Variants in KCNQ5 observed in about 807,000 individuals in gnomAD.
The protein encoded by KCNQ5 is potassium voltage-gated channel subfamily Q member 5.
In KCNQ5, 30 loss-of-function variants were observed where a neutral mutation model predicts 98.2. The ratio of observed to expected loss-of-function variants is 0.31; its 90% CI spans 0.23 to 0.41. The LOEUF (loss-of-function observed/expected upper bound fraction) is 0.41. Ranked by LOEUF, KCNQ5 falls within the 10% of genes least tolerant of loss-of-function variation. The probability of loss-of-function intolerance (pLI) is 1.00; values close to 1 mark genes in which losing one functional copy is unlikely to be tolerated. For missense variants in KCNQ5, 835 were observed against 1,182.5 expected (o/e 0.71, Z 4.31); for synonymous variants, 458 against 449.4 (o/e 1.02, Z -0.24).
intron 1 of KCNQ5, among the ~76,000 whole-genome samples, chr6:72,899,446 A>C (rs2150192082): frequency 6.6e-6 from 1 of 152,306 alleles, no homozygotes; most frequent in African/African-American, 2.4e-5. Context: ...GGGGTCAAAC[A>C]ATATGAGTAG....
intron 5 of KCNQ5, among the ~76,000 whole-genome samples, chr6:73,083,754 T>C (rs1773872116): frequency 6.6e-6 from 1 of 152,212 alleles, no homozygotes; most frequent in Admixed American, 6.5e-5. Context: ...CATGCATTAA[T>C]ATATAATATC....
chr6:72,843,468 T>A (rs1445650279), intron 1 of KCNQ5, among the ~76,000 whole-genome samples: 1 of 152,242 alleles, frequency 6.6e-6, no homozygotes. Flanking sequence ...CTATATGGGC[T>A]CTGTTTTGGT....
intron 7 of KCNQ5, among the ~76,000 whole-genome samples, chr6:73,117,397 A>G (rs1775551424): frequency 6.6e-6 from 1 of 152,216 alleles, no homozygotes; most frequent in Non-Finnish European, 1.5e-5. Context: ...TTTAAAAGGC[A>G]TTTTTGGGAG....
intron 1 of KCNQ5, among the ~76,000 whole-genome samples, chr6:72,962,250 TACAC>T (rs1232970229): frequency 3.4e-4 from 50 of 145,276 alleles, no homozygotes; most frequent in African/African-American, 1.3e-3. Flanking sequence ...CATATATATA[TACAC>T]ACATATATAT....
In KCNQ5 at chr6:73,194,719, T is replaced by G. The variant is rs1765718401; in HGVS notation, c.2104T>G (p.Phe702Val). 2 of 1,614,222 alleles carry G rather than the reference T, an allele frequency of 1.2e-6. No individual in the cohort carries two copies. Among genetic ancestry groups the G allele is most frequent in the Middle Eastern group, 3.3e-4 (2 of 6,062 alleles). The change falls in exon 14 of 14, where the codon TTC (phenylalanine) becomes GTC (valine). Residue 702 changes from phenylalanine to valine, a missense_variant. Coordinates refer to ENST00000370398, the MANE Select transcript of KCNQ5 (RefSeq NM_019842.4). Reference protein sequence around the residue: ...LTPNEFSAQTFYALSPTMHSQ... With the variant: ...LTPNEFSAQTVYALSPTMHSQ... ...GCCAAATGAGTTCAGTGCCCAGACT[T>G]TCTACGCGCTTAGCCCTACTATGCA...
intron 12 of KCNQ5, among the ~76,000 whole-genome samples, chr6:73,191,184 C>G (rs1474342922): frequency 6.6e-6 from 1 of 152,076 alleles, no homozygotes; most frequent in Non-Finnish European, 1.5e-5. Flanking sequence ...TGAAGACGGG[C>G]CTTTCTCTGA....
chr6:73,188,664 A>G (rs1320350945), intron 11 of KCNQ5, among the ~76,000 whole-genome samples: 2 of 152,124 alleles, frequency 1.3e-5, no homozygotes, highest in African/African-American at 2.4e-5. Context: ...ACAATAGCTA[A>G]CTTTTATTAA....
At chr6:73,027,879 AG>A (rs1463016699) in intron 2 of KCNQ5, among the ~76,000 whole-genome samples, 3 of 152,386 alleles carry the variant, frequency 2.0e-5, no homozygotes, top group Admixed American at 2.0e-4. Context: ...GCAAACAAGC[AG>A]GGTAATAAAA....
At chr6:72,853,780 A>G (rs569292903) in intron 1 of KCNQ5, among the ~76,000 whole-genome samples, 146 of 152,288 alleles carry the variant, frequency 9.6e-4, no homozygotes, top group African/African-American at 3.4e-3. Flanking sequence ...TAACACACCA[A>G]AGTAATTCAT....
chr6:72,830,214 A>G (rs1172556101), intron 1 of KCNQ5, among the ~76,000 whole-genome samples: 1 of 152,194 alleles, frequency 6.6e-6, no homozygotes, highest in Non-Finnish European at 1.5e-5. Context: ...GACTTTCTTC[A>G]CAGAATTGGA....
At chr6:72,810,893 A>G (rs1020519093) in intron 1 of KCNQ5, among the ~76,000 whole-genome samples, 1 of 152,240 alleles carries the variant, frequency 6.6e-6, no homozygotes, top group Non-Finnish European at 1.5e-5. Context: ...TCTGTTTTCT[A>G]AAACAGCATG....
intron 2 of KCNQ5, among the ~76,000 whole-genome samples, chr6:73,015,186 C>T (rs1387735272): frequency 6.6e-6 from 1 of 152,004 alleles, no homozygotes; most frequent in Non-Finnish European, 1.5e-5. Context: ...TTATCACATC[C>T]CTATAATTTA....
At chr6:72,947,748 C>A (rs571707734) in intron 1 of KCNQ5, among the ~76,000 whole-genome samples, 2 of 152,046 alleles carry the variant, frequency 1.3e-5, no homozygotes, top group Non-Finnish European at 2.9e-5. Context: ...TCAAGAATGG[C>A]CATGTTTATT....
In KCNQ5 at chr6:73,133,442, G is replaced by A; in HGVS notation, c.1269G>A (p.Glu423=). Residue 423 remains glutamate, a synonymous_variant, in exon 10 of 14, where the codon GAG becomes GAA. Transcript: ENST00000370398. Reference sequence around the variant, plus strand: ...ACAGTCAGAAGCTAAGTTTTAAGGAGCGAGTGCGCATGGCTAGCCCCAGGG... The same window carrying A: ...ACAGTCAGAAGCTAAGTTTTAAGGAACGAGTGCGCATGGCTAGCCCCAGGG... ...ASSSQKLSFK[E]RVRMASPRGQ... 1 of 1,614,088 alleles carries A rather than the reference G, an allele frequency of 6.2e-7. No individual in the cohort carries two copies. The highest frequency in any genetic ancestry group is 8.5e-7 in the Non-Finnish European group (1 of 1,180,026).
intron 11 of KCNQ5, among the ~76,000 whole-genome samples, chr6:73,183,035 A>G (rs1778454874): frequency 6.6e-6 from 1 of 152,192 alleles, no homozygotes; most frequent in African/African-American, 2.4e-5. Flanking sequence ...GATGTTTTCC[A>G]AGTATGGGAT....
At chr6:72,771,036 A>C (rs1264093275) in intron 1 of KCNQ5, among the ~76,000 whole-genome samples, 1 of 152,170 alleles carries the variant, frequency 6.6e-6, no homozygotes, top group Non-Finnish European at 1.5e-5. Context: ...AAAGAATGCC[A>C]GTAAATTTGG....
chr6:72,822,519 T>C (rs1445008516), intron 1 of KCNQ5, among the ~76,000 whole-genome samples: 1 of 152,204 alleles, frequency 6.6e-6, no homozygotes, highest in Non-Finnish European at 1.5e-5. Context: ...AGTATAAAGA[T>C]AGAGACATCC....
chr6:73,027,535 A>G (rs1770944498), intron 2 of KCNQ5, among the ~76,000 whole-genome samples: 1 of 152,202 alleles, frequency 6.6e-6, no homozygotes, highest in African/African-American at 2.4e-5. Context: ...TCTGCTAACA[A>G]ACTGTTGCCA....
At chr6:72,687,642 G>A (rs1768020655) in intron 1 of KCNQ5, among the ~76,000 whole-genome samples, 1 of 152,178 alleles carries the variant, frequency 6.6e-6, no homozygotes, top group African/African-American at 2.4e-5. Flanking sequence ...AATGATGGAT[G>A]TAAAGTAAGT....
Sources: gnomAD v4.1 joint callset for allele counts (sites outside exome capture counted in the v4.1 genomes callset) on GRCh38, gnomAD v4.1.1 for gene constraint, MANE v1.5 for transcripts, NCBI Gene and HGNC (gene_info 2026-07-23, HGNC 2026-07-21) for gene names.